PTCD3: variants seen among roughly 807,000 people sequenced by gnomAD.
The protein encoded by PTCD3 is small ribosomal subunit protein mS39.
In PTCD3, 89 loss-of-function variants were observed where a neutral mutation model predicts 101.9. That is an observed-to-expected ratio of 0.87 (90% CI 0.74 to 1.04). The LOEUF is 1.04. PTCD3 is among the 50% of genes least tolerant of loss of function. The pLI, the probability that PTCD3 is intolerant of heterozygous loss-of-function variation, is 0.00. For synonymous variants in PTCD3, 296 were observed against 278.5 expected (o/e 1.06, Z -0.63); for missense variants, 870 against 828.2 (o/e 1.05, Z -0.62).
intron 23 of PTCD3, 29 bp from the exon 24 acceptor site, chr2:86,137,440 T>G: frequency 1.2e-6 from 2 of 1,612,464 alleles, no homozygotes; most frequent in South Asian, 2.2e-5. Context: ...TGAATTGCAG[T>G]GTAATCCTCC....
At chr2:86,136,495 CATA>C in intron 21 of PTCD3, 23 bp from the exon 22 acceptor site, 2 of 1,589,316 alleles carry the variant, frequency 1.3e-6, no homozygotes, top group Middle Eastern at 1.7e-4. Flanking sequence ...TAATAGTATT[CATA>C]ATCTTTTTCC....
At chr2:86,110,713 G>A (rs1674062675) in intron 3 of PTCD3, among the ~76,000 whole-genome samples, 1 of 152,200 alleles carries the variant, frequency 6.6e-6, no homozygotes, top group South Asian at 2.1e-4. Flanking sequence ...GGTCCAGAGT[G>A]AAGCCTGTGG....
intron 11 of PTCD3, 27 bp downstream of exon 11, chr2:86,125,542 C>G: frequency 6.4e-7 from 1 of 1,572,642 alleles, no homozygotes; most frequent in Non-Finnish European, 8.8e-7. Context: ...CCCTCTGTCC[C>G]TTTCTCCATT....
chr2:86,136,119 C>A, intron 21 of PTCD3: 1 of 477,860 alleles, frequency 2.1e-6, no homozygotes, highest in Non-Finnish European at 4.1e-6. Flanking sequence ...TGGATTCCCT[C>A]CTTAGAAGGA....
chr2:86,122,509 T>G (rs1055678986), intron 8 of PTCD3, among the ~76,000 whole-genome samples: 1 of 144,736 alleles, frequency 6.9e-6, no homozygotes, highest in Admixed American at 7.4e-5. Flanking sequence ...ACTCCTGAGC[T>G]CAAGTGTTCC....
intron 8 of PTCD3, 106 bp from the exon 9 acceptor site, chr2:86,123,595 C>G (rs983246490): frequency 6.2e-6 from 5 of 802,940 alleles, no homozygotes; most frequent in Non-Finnish European, 7.7e-6. Flanking sequence ...TCTATGTTTC[C>G]TTTATTTTTC....
intron 13 of PTCD3, chr2:86,127,673 T>C (rs567520834): frequency 4.1e-6 from 2 of 483,516 alleles, no homozygotes; most frequent in East Asian, 7.2e-5. Flanking sequence ...GCTTTGGGAA[T>C]CAATTCACTT....
intron 3 of PTCD3, 101 bp from the exon 4 acceptor site, chr2:86,111,012 T>C (rs1674069843): frequency 9.5e-7 from 1 of 1,053,506 alleles, no homozygotes; most frequent in African/African-American, 1.6e-5. Context: ...AGATGAGATC[T>C]GCACTATGTT....
chr2:86,123,590 GTTTCC>G, intron 8 of PTCD3, 106 bp from the exon 9 acceptor site: 1 of 772,114 alleles, frequency 1.3e-6, no homozygotes, highest in Non-Finnish European at 2.0e-6. Context: ...CTGGATCTAT[GTTTCC>G]TTTATTTTTC....
intron 16 of PTCD3, 63 bp from the exon 17 acceptor site, chr2:86,132,255 T>C (rs1191408280): frequency 2.0e-6 from 2 of 987,676 alleles, no homozygotes; most frequent in African/African-American, 1.6e-5. Context: ...ACTGTTGTTA[T>C]TTATTTGTGA....
chr2:86,119,072 A>G (rs973568722), intron 7 of PTCD3, 28 bp downstream of exon 7: 7 of 1,610,920 alleles, frequency 4.3e-6, no homozygotes, highest in Non-Finnish European at 5.9e-6. Context: ...AAGCCCCTCT[A>G]ATAACATGGG....
intron 4 of PTCD3, among the ~76,000 whole-genome samples, chr2:86,115,433 T>C (rs746132930): frequency 9.9e-5 from 15 of 152,130 alleles, no homozygotes; most frequent in Non-Finnish European, 2.1e-4. Flanking sequence ...TTTCCATTAG[T>C]ATAATTCAAA....
At position 86,130,742 on chromosome 2, in the gene PTCD3, G is replaced by A; in HGVS notation, c.1237+5G>A. The A allele has an allele frequency of 1.2e-6, 2 of 1,613,120 alleles. No homozygotes were observed. Among genetic ancestry groups the A allele is most frequent in the Non-Finnish European group, 1.7e-6 (2 of 1,179,588 alleles). On this transcript the variant is annotated splice_donor_5th_base_variant and intron_variant, in intron 15 of 23. Transcript: ENST00000254630. ...CTCCAAAGGACCCGGATGATGGCAT[G>A]TATAGAAATCACTTGTGTTTTCCTC...
At chr2:86,131,933 C>G (rs1234389846) in intron 16 of PTCD3, among the ~76,000 whole-genome samples, 1 of 152,210 alleles carries the variant, frequency 6.6e-6, no homozygotes, top group Non-Finnish European at 1.5e-5. Flanking sequence ...TCCAGGCATA[C>G]TTTCAGGGTG....
At chr2:86,130,528 C>A (rs1320648194) in intron 14 of PTCD3, 120 bp from the exon 15 acceptor site, 5 of 1,447,560 alleles carry the variant, frequency 3.5e-6, no homozygotes, top group Non-Finnish European at 4.6e-6. Flanking sequence ...CCACCCAGAT[C>A]TATGCGAGGA....
rs962491313 is a variant in PTCD3, at chr2:86,125,458, C to T, written c.808C>T (p.Arg270Ter). The change falls in exon 11 of 24, where the codon CGA (arginine) becomes TGA (stop). Residue 270 changes from arginine (R) to a stop codon, truncating the protein, a stop_gained. Coordinates refer to ENST00000254630, the MANE Select transcript of PTCD3 (RefSeq NM_017952.6). LOFTEE classifies it high-confidence loss of function. ...TGCTTAATTTTTCCTTTTCCAGCAC[C>T]GAGCTTATGAGCAGGCATTAAACTT... ...CTMIRGMVKH[R>*]AYEQALNLYT... 1.6e-5 allele frequency: 25 copies of T among 1,612,546 alleles called. No homozygotes were observed. The highest frequency in any genetic ancestry group is 2.2e-5 in the East Asian group (1 of 44,884).
At position 86,134,941 on chromosome 2, in the gene PTCD3, T is replaced by C; in HGVS notation, c.1732T>C (p.Cys578Arg). The change falls in exon 21 of 24, where the codon TGT becomes CGT. Residue 578 changes from cysteine to arginine, a missense_variant. Coordinates refer to ENST00000254630, the MANE Select transcript of PTCD3 (RefSeq NM_017952.6). ...GGATTGGCCAGCCACCTCTCTCAAC[T>C]GTATAGCTATCCTCTTTTTAAGGGC... ...AQDWPATSLN[C>R]IAILFLRAGR... 1 of 1,614,180 alleles carries C rather than the reference T, an allele frequency of 6.2e-7. No homozygotes were observed.
At chr2:86,123,177 C>G (rs978666452) in intron 8 of PTCD3, among the ~76,000 whole-genome samples, 6 of 151,420 alleles carry the variant, frequency 4.0e-5, no homozygotes, top group African/African-American at 1.5e-4. Flanking sequence ...CAGGAGAATT[C>G]CTTGAACCCA....
intron 4 of PTCD3, among the ~76,000 whole-genome samples, chr2:86,115,835 G>C (rs1674166823): frequency 1.3e-5 from 2 of 152,174 alleles, no homozygotes; most frequent in Admixed American, 6.5e-5. Context: ...TCATTCCTCA[G>C]AGGGCACGGT....
Sources: allele counts gnomAD v4.1 joint callset (sites outside exome capture counted in the v4.1 genomes callset), GRCh38; gene constraint gnomAD v4.1.1; transcripts MANE v1.5; gene names NCBI Gene and HGNC (gene_info 2026-07-23, HGNC 2026-07-21).